RBKS: variants seen among roughly 807,000 people sequenced by gnomAD.
RBKS encodes ribokinase.
A neutral mutation model predicts 33.9 loss-of-function variants in RBKS; 33 were observed. The observed-to-expected ratio is 0.97, with a 90% CI of 0.74 to 1.30. The LOEUF is 1.30. Among genes scored for constraint, RBKS ranks in the 50% most tolerant of loss-of-function variants. RBKS has a pLI of 0.00. For missense variants in RBKS, 361 were observed against 392.6 expected (o/e 0.92, Z 0.68); for synonymous variants, 125 against 143.0 (o/e 0.87, Z 0.90).
chr2:27,876,320 A>G (rs1312747626), intron 1 of RBKS, among the ~76,000 whole-genome samples: 1 of 152,202 alleles, frequency 6.6e-6, no homozygotes, highest in African/African-American at 2.4e-5. Context: ...AAAATTCTGA[A>G]ACATGCTACA....
intron 4 of RBKS, among the ~76,000 whole-genome samples, chr2:27,844,604 C>T (rs1426110920): frequency 2.0e-5 from 3 of 151,974 alleles, no homozygotes; most frequent in Non-Finnish European, 4.4e-5. Flanking sequence ...ACTATGTTGG[C>T]CAGGCTAGTC....
chr2:27,874,135 T>C (rs1031117358), intron 1 of RBKS, among the ~76,000 whole-genome samples: 1 of 152,082 alleles, frequency 6.6e-6, no homozygotes. Context: ...TCCTTGAAGA[T>C]CATATGACAA....
intron 1 of RBKS, among the ~76,000 whole-genome samples, chr2:27,867,275 T>G (rs762785275): frequency 6.6e-6 from 1 of 152,114 alleles, no homozygotes. Flanking sequence ...CAGAAGTAAA[T>G]ATTTTTGAAT....
chr2:27,802,381 C>T (rs563221048), intron 7 of RBKS, among the ~76,000 whole-genome samples: 10 of 151,628 alleles, frequency 6.6e-5, no homozygotes, highest in Middle Eastern at 6.8e-3. Context: ...TTTCAGTTTA[C>T]GGTTGGTTTA....
chr2:27,807,572 G>A (rs958175924), intron 7 of RBKS, among the ~76,000 whole-genome samples: 1 of 152,044 alleles, frequency 6.6e-6, no homozygotes, highest in African/African-American at 2.4e-5. Flanking sequence ...TAGAGATGAG[G>A]TCTCTCTATT....
intron 7 of RBKS, among the ~76,000 whole-genome samples, chr2:27,798,649 A>C (rs529556948): frequency 6.6e-6 from 1 of 152,136 alleles, no homozygotes; most frequent in African/African-American, 2.4e-5. Flanking sequence ...CACTACTGCA[A>C]ATCTGTCCAC....
chr2:27,862,921 G>C (rs1330546731), intron 1 of RBKS, among the ~76,000 whole-genome samples: 2 of 151,804 alleles, frequency 1.3e-5, no homozygotes, highest in Non-Finnish European at 2.9e-5. Flanking sequence ...TTGAAATCAT[G>C]AAATTATGTT....
chr2:27,804,481 A>G (rs1677859208), intron 7 of RBKS, among the ~76,000 whole-genome samples: 1 of 152,242 alleles, frequency 6.6e-6, no homozygotes, highest in Non-Finnish European at 1.5e-5. Flanking sequence ...TTCTAATTCT[A>G]TAATTAAACA....
chr2:27,798,803 T>C (rs1383175541), intron 7 of RBKS, among the ~76,000 whole-genome samples: 1 of 152,236 alleles, frequency 6.6e-6, no homozygotes, highest in Non-Finnish European at 1.5e-5. Context: ...TGGAGACACC[T>C]CGGCTTGGAC....
chr2:27,822,208 CAGGGAACAGGG>C (rs1678225529), intron 7 of RBKS, among the ~76,000 whole-genome samples: 2 of 152,188 alleles, frequency 1.3e-5, no homozygotes, highest in African/African-American at 4.8e-5. Context: ...TATGGCTAAG[CAGGGAACAGGG>C]CCTCATGTTG....
intron 7 of RBKS, among the ~76,000 whole-genome samples, chr2:27,818,840 T>C (rs933017432): frequency 2.6e-5 from 4 of 152,222 alleles, no homozygotes; most frequent in African/African-American, 9.6e-5. Context: ...GCCCCAAACA[T>C]AAGACATCAT....
intron 1 of RBKS, among the ~76,000 whole-genome samples, chr2:27,863,002 T>TAAA (rs35668375): frequency 1.3e-3 from 189 of 146,122 alleles, no homozygotes; most frequent in Middle Eastern, 3.5e-3. Context: ...TTGTTCTAAT[T>TAAA]AAAAAAAAAA....
intron 7 of RBKS, among the ~76,000 whole-genome samples, chr2:27,800,851 G>A (rs1443149420): frequency 1.3e-5 from 2 of 152,208 alleles, no homozygotes; most frequent in African/African-American, 4.8e-5. Context: ...GCTCCAGAGA[G>A]TTCCAGCCAT....
rs1217107934 is a variant in RBKS, at chr2:27,801,969, T to A, written c.796-20181A>T. 9.7e-3 allele frequency among the ~76,000 whole-genome samples: 770 copies of A among 79,092 alleles called. 5 individuals carry two copies. Among genetic ancestry groups the A allele is most frequent in the South Asian group, 0.016 (32 of 1,964 alleles). The allele number at this position is 79,092 out of a possible 152,430, so 51.9% of individuals were successfully genotyped here. A position where few individuals can be genotyped will look rare whatever the true frequency, so the allele number is the denominator to read the frequency against. On this transcript the variant is annotated intron_variant, in intron 7 of 7. Coordinates refer to ENST00000302188, the MANE Select transcript of RBKS (RefSeq NM_022128.3). ...GCTGGGGAAAAAAAAAAAAAATATA[T>A]ATATATATATATATATATATATATT...
intron 7 of RBKS, among the ~76,000 whole-genome samples, chr2:27,802,466 G>A (rs1236761008): frequency 2.0e-5 from 3 of 151,664 alleles, no homozygotes; most frequent in African/African-American, 7.3e-5. Context: ...ATGTGTGTAC[G>A]TGGTATAAAA....
At chr2:27,801,961 AAAATATATATATATAT>A (rs1482613977) in intron 7 of RBKS, among the ~76,000 whole-genome samples, 1 of 63,906 alleles carries the variant, frequency 1.6e-5, no homozygotes, top group Non-Finnish European at 3.1e-5. Flanking sequence ...AAAAAAAAAA[AAAATATATATATATAT>A]ATATATATAT....
intron 7 of RBKS, among the ~76,000 whole-genome samples, chr2:27,783,206 G>A (rs1677321620): frequency 6.6e-6 from 1 of 152,014 alleles, no homozygotes; most frequent in South Asian, 2.1e-4. Context: ...ACTTTGGGAG[G>A]ATGAGGTGGG....
rs1197409475 is a variant in RBKS at position 27,782,251 on chromosome 2, C to T, written c.796-463G>A. ...ATCATAGCTCACTGCAGCCTGGGCT[C>T]AACTCCTGAGTGAACCCCTGGCTGG... On this transcript the variant is annotated intron_variant, in intron 7 of 7. Transcript: ENST00000302188. 3.3e-5 allele frequency among the ~76,000 whole-genome samples: 5 copies of T among 152,040 alleles called. No individual in the cohort carries two copies. In the East Asian group the frequency reaches 5.8e-4, roughly 18 times the overall value.
At chr2:27,786,953 T>C (rs1428031549) in intron 7 of RBKS, among the ~76,000 whole-genome samples, 1 of 152,194 alleles carries the variant, frequency 6.6e-6, no homozygotes, top group Non-Finnish European at 1.5e-5. Context: ...CACAACTTGA[T>C]TACCCTTCAT....
Sources: gnomAD v4.1 joint callset for allele counts (sites outside exome capture counted in the v4.1 genomes callset) on GRCh38, gnomAD v4.1.1 for gene constraint, MANE v1.5 for transcripts, NCBI Gene and HGNC (gene_info 2026-07-23, HGNC 2026-07-21) for gene names.